PDE3B: variants seen among roughly 807,000 people sequenced by gnomAD.
PDE3B encodes cGMP-inhibited 3',5'-cyclic phosphodiesterase 3B.
In PDE3B, 66 loss-of-function variants were observed where a neutral mutation model predicts 116.8. The ratio of observed to expected loss-of-function variants is 0.56; its 90% confidence interval spans 0.46 to 0.69. PDE3B has a LOEUF of 0.69. PDE3B is among the 30% of genes least tolerant of loss of function. PDE3B has a pLI of 0.00. For synonymous variants in PDE3B, 595 were observed against 533.6 expected, an observed-to-expected ratio of 1.12 and a Z score of -1.59; for missense variants, 1,384 against 1,368.1, an observed-to-expected ratio of 1.01 and a Z score of -0.18.
At chr11:14,666,914 C>G (rs1300843159) in intron 1 of PDE3B, among the ~76,000 whole-genome samples, 1 of 152,062 alleles carries the variant, frequency 6.6e-6, no homozygotes, top group African/African-American at 2.4e-5. Flanking sequence ...TACCATTTGA[C>G]CCAGCCATCC....
intron 1 of PDE3B, among the ~76,000 whole-genome samples, chr11:14,728,168 T>C (rs945921927): frequency 6.6e-6 from 1 of 152,098 alleles, no homozygotes; most frequent in Non-Finnish European, 1.5e-5. Context: ...TTGGGGTTAT[T>C]TTAAATTATG....
rs774566851 is a variant in PDE3B at position 14,644,526 on chromosome 11, T to A, written c.451T>A (p.Ser151Thr). The A allele has an allele frequency of 1.1e-5, 18 of 1,606,838 alleles. No homozygotes were observed. The highest frequency in any genetic ancestry group is 1.5e-5 in the Non-Finnish European group (18 of 1,176,884). The change falls in exon 1 of 16, where the codon TCC becomes ACC. Residue 151 changes from serine (S) to threonine (T), a missense_variant. This residue lies in a region of PDE3B where 956 missense variants were observed against 806.8 expected (regional missense o/e 1.18). Coordinates refer to ENST00000282096, the MANE Select transcript of PDE3B (RefSeq NM_000922.4). ...ACCCGGCCCGGGCCGGAGCTGCGGC[T>A]CCTGGTGGCTGCTGGCGCTGCCCGC... is the stretch of plus-strand genomic sequence containing the variant. ...RGPGPGRSCG[S>T]WWLLALPACC...
At chr11:14,806,626 G>A (rs914606103) in intron 5 of PDE3B, among the ~76,000 whole-genome samples, 6 of 151,574 alleles carry the variant, frequency 4.0e-5, no homozygotes, top group African/African-American at 1.2e-4. Flanking sequence ...TTGGGAGGCC[G>A]AGGCGGGCGG....
chr11:14,712,017 T>C (rs1329087244), intron 1 of PDE3B, among the ~76,000 whole-genome samples: 3 of 152,244 alleles, frequency 2.0e-5, no homozygotes, highest in Non-Finnish European at 4.4e-5. Context: ...TAGTCATTCT[T>C]CTAAGTCCAA....
At chr11:14,693,695 A>T (rs1855116556) in intron 1 of PDE3B, among the ~76,000 whole-genome samples, 1 of 152,206 alleles carries the variant, frequency 6.6e-6, no homozygotes, top group South Asian at 2.1e-4. Flanking sequence ...GCTCATTGAC[A>T]GTGCAGCTAG....
intron 4 of PDE3B, among the ~76,000 whole-genome samples, chr11:14,796,103 C>G (rs1170302296): frequency 6.6e-6 from 1 of 152,116 alleles, no homozygotes; most frequent in Non-Finnish European, 1.5e-5. Context: ...TCAACTCCCA[C>G]TTATGAGTGA....
chr11:14,712,948 A>G (rs1855753799), intron 1 of PDE3B, among the ~76,000 whole-genome samples: 2 of 152,208 alleles, frequency 1.3e-5, no homozygotes, highest in East Asian at 1.9e-4. Context: ...ACCTTGTGCC[A>G]TGATTTCCTT....
intron 3 of PDE3B, 96 bp from the exon 4 acceptor site, chr11:14,789,010 A>G: frequency 1.2e-6 from 1 of 816,838 alleles, no homozygotes; most frequent in Non-Finnish European, 1.8e-6. Context: ...TGTTAAAAAT[A>G]TACTTTGTAT....
At chr11:14,754,266 G>C (rs762880219) in intron 1 of PDE3B, among the ~76,000 whole-genome samples, 2 of 151,960 alleles carry the variant, frequency 1.3e-5, no homozygotes, top group Non-Finnish European at 2.9e-5. Context: ...TTACCAGCCA[G>C]TTTCTTTAGC....
chr11:14,878,054 T>C, the PDE3B span: 3 of 1,544,496 alleles, frequency 1.9e-6, no homozygotes, highest in Non-Finnish European at 2.7e-6. Context: ...CACACATTGA[T>C]TTGATTAAAC....
chr11:14,814,599 T>A (rs1217502696), intron 5 of PDE3B, among the ~76,000 whole-genome samples: 1 of 152,152 alleles, frequency 6.6e-6, no homozygotes, highest in African/African-American at 2.4e-5. Flanking sequence ...GACATAAAAA[T>A]ACTTACCATA....
In PDE3B at chr11:14,708,980, T is replaced by G. The variant is rs141323812; in HGVS notation, c.979-62957T>G. Among the ~76,000 whole-genome samples the G allele has an allele frequency of 9.8e-4, 150 of 152,296 alleles. 1 individual carries two copies. The highest frequency in any genetic ancestry group is 3.5e-3 in the African/African-American group (146 of 41,588). ...AGTTATTTTTTGTTTAAAAATAATT[T>G]CAAAATGTAGCTATATCTCATTGTC... On this transcript the variant is annotated intron_variant, in intron 1 of 15. Transcript: ENST00000282096.
intron 7 of PDE3B, among the ~76,000 whole-genome samples, chr11:14,829,806 A>G (rs568849427): frequency 6.6e-6 from 1 of 152,256 alleles, no homozygotes; most frequent in Non-Finnish European, 1.5e-5. Context: ...AAATTTACCT[A>G]TATGACAAAC....
chr11:14,665,035 C>T (rs1020319197), intron 1 of PDE3B, among the ~76,000 whole-genome samples: 4 of 152,106 alleles, frequency 2.6e-5, no homozygotes, highest in South Asian at 2.1e-4. Flanking sequence ...ACTGGCAATC[C>T]GAATCCAGCA....
At chr11:14,727,382 G>C (rs1856339360) in intron 1 of PDE3B, among the ~76,000 whole-genome samples, 1 of 152,048 alleles carries the variant, frequency 6.6e-6, no homozygotes, top group Non-Finnish European at 1.5e-5. Context: ...AGGATCTAAG[G>C]ATCTGAGGTT....
chr11:14,685,032 G>C (rs1415743910), intron 1 of PDE3B, among the ~76,000 whole-genome samples: 1 of 152,054 alleles, frequency 6.6e-6, no homozygotes, highest in Non-Finnish European at 1.5e-5. Context: ...TTACGAAGAT[G>C]ACAGGATTAA....
the PDE3B span, chr11:14,880,206 A>T: frequency 6.2e-7 from 1 of 1,613,086 alleles, no homozygotes; most frequent in African/African-American, 1.3e-5. Context: ...TTTCAGTTCC[A>T]GCAATGATGA....
chr11:14,878,415 A>G, the PDE3B span: 12 of 976,228 alleles, frequency 1.2e-5, no homozygotes, highest in Middle Eastern at 6.2e-4. Flanking sequence ...AGAGGGAACT[A>G]TGTTTATTAA....
the PDE3B span, among the ~76,000 whole-genome samples, chr11:14,893,031 G>A: frequency 2.6e-5 from 4 of 152,148 alleles, no homozygotes; most frequent in African/African-American, 9.7e-5. Context: ...GACTTACTGG[G>A]TTTGGGACTC....
Sources: allele counts gnomAD v4.1 joint callset (sites outside exome capture counted in the v4.1 genomes callset), GRCh38; gene constraint gnomAD v4.1.1; regional missense constraint gnomAD v4.1.1; transcripts MANE v1.5; gene names NCBI Gene and HGNC (gene_info 2026-07-23, HGNC 2026-07-21).